The following LRP2BP variants were observed in gnomAD, a reference collection of about 807,000 sequenced individuals.
The protein encoded by LRP2BP is LRP2-binding protein.
Under a neutral mutation model 45.2 loss-of-function variants are expected in LRP2BP, and 38 were observed. The observed-to-expected ratio is 0.84, with a 90% confidence interval of 0.65 to 1.10. The LOEUF (loss-of-function observed/expected upper bound fraction) is 1.10. Among genes scored for constraint, LRP2BP ranks in the 50% least tolerant of loss-of-function variants. The probability of loss-of-function intolerance (pLI) is 0.00; values close to 1 mark genes in which losing one functional copy is unlikely to be tolerated. For synonymous variants in LRP2BP, 153 were observed against 153.9 expected, an observed-to-expected ratio of 0.99 and a Z score of 0.04; for missense variants, 385 against 418.9, an observed-to-expected ratio of 0.92 and a Z score of 0.71.
chr4:185,377,061 G>T, intron 2 of LRP2BP, 43 bp from the exon 3 acceptor site: 1 of 1,339,890 alleles, frequency 7.5e-7, no homozygotes, highest in Non-Finnish European at 1.1e-6. Flanking sequence ...CACACAATAT[G>T]AATTTTCTCT....
Position 185,395,447 on chromosome 4 carries a change from A to C in LRP2BP, c.-690T>G, listed in dbSNP as rs2095499327. On this transcript the variant is annotated 5_prime_UTR_variant, in exon 1 of 9. Transcript: ENST00000505916. ...TTAAAAAGCAGTGCTTATTGAATTGATAAACAAAAGCGAAACTGGCAATAT... is the reference window on the plus strand; with the variant it reads ...TTAAAAAGCAGTGCTTATTGAATTGCTAAACAAAAGCGAAACTGGCAATAT... 1.0e-6 allele frequency: 1 copy of C among 985,312 alleles called. No individual in the cohort carries two copies. Among genetic ancestry groups the C allele is most frequent in the African/African-American group, 1.7e-5 (1 of 57,246 alleles). The allele number at this position is 985,312 out of a possible 1,614,324, so 61.0% of individuals were successfully genotyped here.
chr4:185,384,432 C>T (rs777282349), intron 1 of LRP2BP, among the ~76,000 whole-genome samples: 1 of 152,114 alleles, frequency 6.6e-6, no homozygotes, highest in African/African-American at 2.4e-5. Context: ...GGAGCCTAGA[C>T]ATTCCATTTA....
intron 7 of LRP2BP, among the ~76,000 whole-genome samples, chr4:185,372,227 A>G (rs1166827638): frequency 6.6e-6 from 1 of 152,222 alleles, no homozygotes; most frequent in Non-Finnish European, 1.5e-5. Flanking sequence ...TGTTAAGTAC[A>G]TGATTATAAT....
Position 185,395,203 on chromosome 4 carries a change from G to T in LRP2BP, c.-446C>A. ...CTTATGAAATTTACGTATGTAACAG[G>T]AAGTTAAAAAATAACTACCACTTAA... On this transcript the variant is annotated 5_prime_UTR_variant, in exon 1 of 9. Transcript: ENST00000505916. 1 of 985,322 alleles carries T rather than the reference G, an allele frequency of 1.0e-6. No individual in the cohort carries two copies. The highest frequency in any genetic ancestry group is 1.2e-6 in the Non-Finnish European group (1 of 829,896). 61.0% of individuals were successfully genotyped at this position (985,322 alleles called of 1,614,324 possible). A position where few individuals can be genotyped will look rare whatever the true frequency, so the allele number is the denominator to read the frequency against.
chr4:185,372,020 AGGAAAGTACAT>A (rs1268847557), intron 7 of LRP2BP, among the ~76,000 whole-genome samples: 19 of 152,358 alleles, frequency 1.2e-4, no homozygotes, highest in African/African-American at 4.6e-4. Flanking sequence ...AAATACGTGT[AGGAAAGTACAT>A]GGAGCCTTAC....
chr4:185,378,144 C>T lies in LRP2BP; in HGVS notation c.43G>A (p.Ala15Thr). The T allele has an allele frequency of 6.2e-7, 1 of 1,614,040 alleles. No individual in the cohort carries two copies. The highest frequency in any genetic ancestry group is 2.2e-5 in the East Asian group (1 of 44,860). ...SEKLPKNPFY[A>T]SVSQYAAKNQ... ...TTAGCAGCATACTGAGATACAGAGG[C>T]ATAAAAGGGGTTCTTGGGCAACTTT... is the stretch of plus-strand genomic sequence containing the variant. Residue 15 changes from alanine to threonine, a missense_variant, in exon 2 of 9, where the codon GCC becomes ACC. Physicochemically the swap from Ala to Thr is moderately conservative, Grantham distance 58. Transcript: ENST00000505916.
intron 1 of LRP2BP, among the ~76,000 whole-genome samples, chr4:185,379,553 C>T (rs2095449131): frequency 6.6e-6 from 1 of 152,144 alleles, no homozygotes; most frequent in Admixed American, 6.5e-5. Flanking sequence ...GCTGCTGTAG[C>T]TTAAAAGAAG....
intron 2 of LRP2BP, 88 bp downstream of exon 2, chr4:185,377,993 C>T: frequency 9.3e-7 from 1 of 1,072,258 alleles, no homozygotes; most frequent in Non-Finnish European, 1.4e-6. Context: ...ATCAATAAAA[C>T]ACATTATTTC....
chr4:185,386,201 C>T (rs1186952145), intron 1 of LRP2BP, among the ~76,000 whole-genome samples: 1 of 152,156 alleles, frequency 6.6e-6, no homozygotes, highest in Non-Finnish European at 1.5e-5. Flanking sequence ...AATTATCTTT[C>T]TTGTACATGA....
At chr4:185,391,587 G>C (rs1454296338) in intron 1 of LRP2BP, among the ~76,000 whole-genome samples, 2 of 152,112 alleles carry the variant, frequency 1.3e-5, no homozygotes, top group Non-Finnish European at 1.5e-5. Context: ...AACAGTACCT[G>C]AGTTAGTTCC....
chr4:185,382,217 T>A (rs1212329416), intron 1 of LRP2BP, among the ~76,000 whole-genome samples: 1 of 152,250 alleles, frequency 6.6e-6, no homozygotes, highest in Non-Finnish European at 1.5e-5. Context: ...TTCCTTTTTA[T>A]GGATGATTAA....
intron 6 of LRP2BP, 57 bp from the exon 7 acceptor site, chr4:185,373,136 G>A (rs2095421560): frequency 1.4e-6 from 2 of 1,458,178 alleles, no homozygotes; most frequent in Non-Finnish European, 1.9e-6. Flanking sequence ...AAATTATAAG[G>A]GAATACTAGA....
chr4:185,375,637 A>G lies in LRP2BP; in HGVS notation c.306T>C (p.Asp102=). 6.2e-7 allele frequency: 1 copy of G among 1,610,272 alleles called. No individual in the cohort carries two copies. The highest frequency in any genetic ancestry group is 8.5e-7 in the Non-Finnish European group (1 of 1,178,378). ...CAGCGTCTAGAGTGGTCCCCAGCCC[A>G]TCATAGTACATCACTCCTAGCTGGT... The part of the protein sequence containing the change: ...ATYQLGVMYY[D]GLGTTLDAEK... The change falls in exon 4 of 9, where the codon GAT becomes GAC. Residue 102 remains aspartate (D), a synonymous_variant. Coordinates refer to ENST00000505916, the MANE Select transcript of LRP2BP (RefSeq NM_001377440.1).
rs1189300472 is a variant in LRP2BP at position 185,367,252 on chromosome 4, A to G, written c.979-7T>C. ...CGGGATTCAGACGACAAGCCTTAAA[A>G]TCAAAAAGAGTCAGATATTTAGATA... is the stretch of plus-strand genomic sequence containing the variant. On this transcript the variant is annotated splice_region_variant and splice_polypyrimidine_tract_variant and intron_variant, in intron 8 of 8. Coordinates refer to ENST00000505916, the MANE Select transcript of LRP2BP (RefSeq NM_001377440.1). 3 of 1,610,934 alleles carry G rather than the reference A, an allele frequency of 1.9e-6. No homozygotes were observed. The highest frequency in any genetic ancestry group is 2.5e-6 in the Non-Finnish European group (3 of 1,178,064).
rs554676880 is a variant in LRP2BP at position 185,370,789 on chromosome 4, C to T, written c.829G>A (p.Asp277Asn). 9.7e-5 allele frequency: 157 copies of T among 1,614,046 alleles called. 8 individuals carry two copies. The South Asian group carries it at 1.6e-3, about 17-fold the overall frequency. Reference protein sequence around the residue: ...KRIADYDEVHDIPMIAQVTDC... With the variant: ...KRIADYDEVHNIPMIAQVTDC... ...GTGACCTGGGCGATCATGGGGATGT[C>T]GTGAACCTCATCATAGTCAGCGATC... The change falls in exon 8 of 9, where the codon GAC becomes AAC. Residue 277 changes from aspartate (D) to asparagine (N), a missense_variant. Transcript: ENST00000505916.
chr4:185,389,233 G>A (rs1434748298), intron 1 of LRP2BP, among the ~76,000 whole-genome samples: 14 of 150,604 alleles, frequency 9.3e-5, no homozygotes, highest in Admixed American at 9.3e-4. Flanking sequence ...TTTGAGAACG[G>A]AGTCTCACAC....
In LRP2BP at chr4:185,394,938, C is replaced by T; in HGVS notation, c.-181G>A. On this transcript the variant is annotated 5_prime_UTR_variant, in exon 1 of 9. Transcript: ENST00000505916. ...TTCCGTTTTAGAAAATTGATCCCAC[C>T]TGCTACACGCCTGGTGAAACTCCAG... 1.0e-6 allele frequency: 1 copy of T among 985,430 alleles called. No individual in the cohort carries two copies. The allele number at this position is 985,430 out of a possible 1,614,324, so 61.0% of individuals were successfully genotyped here. A position where few individuals can be genotyped will look rare whatever the true frequency, so the allele number is the denominator to read the frequency against.
At chr4:185,371,348 G>C (rs1395383502) in intron 7 of LRP2BP, among the ~76,000 whole-genome samples, 1 of 151,926 alleles carries the variant, frequency 6.6e-6, no homozygotes, top group Non-Finnish European at 1.5e-5. Context: ...GACCATCCTG[G>C]CTAACATGGT....
intron 7 of LRP2BP, 34 bp from the exon 8 acceptor site, chr4:185,370,848 C>T (rs2095412353): frequency 6.2e-7 from 1 of 1,609,706 alleles, no homozygotes; most frequent in Non-Finnish European, 8.5e-7. Context: ...ATGGAAAAGA[C>T]ATCAGTTATG....
Sources: allele counts gnomAD v4.1 joint callset (sites outside exome capture counted in the v4.1 genomes callset), GRCh38; gene constraint gnomAD v4.1.1; transcripts MANE v1.5; gene names NCBI Gene and HGNC (gene_info 2026-07-23, HGNC 2026-07-21).